Variants in CLDN18 observed in about 807,000 individuals in gnomAD.
CLDN18 encodes the protein claudin-18.
In CLDN18, 20 loss-of-function variants were observed where a neutral mutation model predicts 25.0. The observed-to-expected ratio is 0.80, with a 90% CI of 0.56 to 1.16. CLDN18 has a LOEUF of 1.16. Ranked by LOEUF, CLDN18 falls within the 50% of genes most tolerant of loss-of-function variation. The pLI is 0.00. For synonymous variants in CLDN18, 125 were observed against 135.6 expected (o/e 0.92, Z 0.54); for missense variants, 297 against 345.4 (o/e 0.86, Z 1.11).
intron 1 of CLDN18, among the ~76,000 whole-genome samples, chr3:138,004,401 T>TC (rs1487606845): frequency 3.3e-5 from 5 of 151,978 alleles, no homozygotes; most frequent in African/African-American, 1.2e-4. Context: ...GGCAAGAGTT[T>TC]CCCCATGGGA....
chr3:138,025,788 G>A (rs1942320262), intron 3 of CLDN18, among the ~76,000 whole-genome samples: 1 of 152,100 alleles, frequency 6.6e-6, no homozygotes, highest in Non-Finnish European at 1.5e-5. Context: ...CCTCTATCAT[G>A]GGCAAACAAG....
At chr3:138,026,500 C>T (rs1348556693) in intron 3 of CLDN18, among the ~76,000 whole-genome samples, 1 of 152,104 alleles carries the variant, frequency 6.6e-6, no homozygotes, top group Admixed American at 6.5e-5. Context: ...ACAAAATTAG[C>T]TGGGCGTGGT....
chr3:138,014,517 C>T (rs1942182391), intron 1 of CLDN18, among the ~76,000 whole-genome samples: 1 of 152,048 alleles, frequency 6.6e-6, no homozygotes, highest in South Asian at 2.1e-4. Flanking sequence ...TGCTCTGTGT[C>T]CTGTCTCCCA....
chr3:138,023,803 G>A lies in CLDN18; in HGVS notation c.366G>A (p.Gly122=). The change falls in exon 2 of 5, where the codon GGG becomes GGA. Residue 122 remains glycine, a synonymous_variant. Coordinates refer to ENST00000183605, the MANE Select transcript of CLDN18 (RefSeq NM_016369.4). ...SAKANMTLTS[G]IMFIVSGLCA... ...AAGCCAACATGACACTGACCTCCGG[G>A]ATCATGTTCATTGTCTCAGGTAAAC... The A allele has an allele frequency of 6.2e-7, 1 of 1,613,084 alleles. No individual in the cohort carries two copies. The highest frequency in any genetic ancestry group is 8.5e-7 in the Non-Finnish European group (1 of 1,179,300).
chr3:138,029,665 G>A, intron 3 of CLDN18, 132 bp from the exon 4 acceptor site: 2 of 617,376 alleles, frequency 3.2e-6, no homozygotes, highest in East Asian at 2.9e-5. Context: ...AGGAATGTGT[G>A]TTCAGGGGCA....
chr3:138,014,641 G>A (rs1942183871), intron 1 of CLDN18, among the ~76,000 whole-genome samples: 1 of 152,072 alleles, frequency 6.6e-6, no homozygotes, highest in African/African-American at 2.4e-5. Context: ...GAGGGAAGAG[G>A]ATTTCACCAA....
At chr3:138,011,231 T>C (rs972445671) in intron 1 of CLDN18, among the ~76,000 whole-genome samples, 1 of 152,206 alleles carries the variant, frequency 6.6e-6, no homozygotes, top group Non-Finnish European at 1.5e-5. Context: ...TCTAGCTAAT[T>C]AGTGGCTCTA....
chr3:138,024,370 A>G (rs1942301891), intron 2 of CLDN18, among the ~76,000 whole-genome samples: 1 of 152,198 alleles, frequency 6.6e-6, no homozygotes, highest in Admixed American at 6.5e-5. Context: ...TGGTCCCAAG[A>G]TGCATGAAAA....
chr3:138,031,209 C>T lies in CLDN18; in HGVS notation c.*68C>T. On this transcript the variant is annotated 3_prime_UTR_variant, in exon 5 of 5. Transcript: ENST00000183605. ...AGCTCACCCAAAAAACAAGGAGATCCCATCTAGATTTCTTCTTGCTTTTGA... is the reference window on the plus strand; with the variant it reads ...AGCTCACCCAAAAAACAAGGAGATCTCATCTAGATTTCTTCTTGCTTTTGA... 5 of 1,372,506 alleles carry T rather than the reference C, an allele frequency of 3.6e-6. No individual in the cohort carries two copies. Among genetic ancestry groups the T allele is most frequent in the Non-Finnish European group, 4.9e-6 (5 of 1,013,368 alleles). The allele number at this position is 1,372,506 out of a possible 1,614,324, so 85.0% of individuals were successfully genotyped here.
chr3:138,017,423 C>T (rs1182944918), intron 1 of CLDN18, among the ~76,000 whole-genome samples: 1 of 152,080 alleles, frequency 6.6e-6, no homozygotes, highest in African/African-American at 2.4e-5. Flanking sequence ...ACAGAGTTTC[C>T]TATCAACCTA....
chr3:138,019,463 G>T (rs1222743999), intron 1 of CLDN18, among the ~76,000 whole-genome samples: 1 of 151,974 alleles, frequency 6.6e-6, no homozygotes, highest in Non-Finnish European at 1.5e-5. Context: ...CCTCCCATCC[G>T]CCTACTCCAC....
At chr3:138,028,360 C>A (rs1432757735) in intron 3 of CLDN18, among the ~76,000 whole-genome samples, 1 of 152,204 alleles carries the variant, frequency 6.6e-6, no homozygotes, top group Non-Finnish European at 1.5e-5. Flanking sequence ...CCACCACACC[C>A]AGCCAATGTG....
chr3:138,026,516 G>A lies in CLDN18; in HGVS notation c.503+1792G>A, dbSNP rs1240372998. Reference sequence around the variant, plus strand: ...CAAAATTAGCTGGGCGTGGTGGCAGGCGCCTGTAGTCCCAGCTACTTGGGA... The same window carrying A: ...CAAAATTAGCTGGGCGTGGTGGCAGACGCCTGTAGTCCCAGCTACTTGGGA... On this transcript the variant is annotated intron_variant, in intron 3 of 4. Transcript: ENST00000183605. Among the ~76,000 whole-genome samples, 6 of 152,072 alleles carry A rather than the reference G, an allele frequency of 3.9e-5. No homozygotes were observed. In the East Asian group the frequency reaches 7.7e-4, roughly 20 times the overall value.
In CLDN18 at chr3:138,000,563, T is replaced by C. The variant is rs565672294; in HGVS notation, c.220+1475T>C. On this transcript the variant is annotated intron_variant, in intron 1 of 4. Transcript: ENST00000343735. ...GGTTGGTTGGTTGGTTGGTTTGGGATTGTGGTATTTCAAGGATATTAATCT... is the reference window on the plus strand; with the variant it reads ...GGTTGGTTGGTTGGTTGGTTTGGGACTGTGGTATTTCAAGGATATTAATCT... Among the ~76,000 whole-genome samples the C allele has an allele frequency of 2.0e-5, 3 of 152,164 alleles. No individual in the cohort carries two copies. The South Asian group carries it at 6.2e-4, about 32-fold the overall frequency.
chr3:138,020,804 T>C (rs1942260518), intron 1 of CLDN18, among the ~76,000 whole-genome samples: 2 of 152,256 alleles, frequency 1.3e-5, no homozygotes, highest in Non-Finnish European at 2.9e-5. Context: ...TGATAGTTTA[T>C]GGTTGAGTCT....
chr3:138,019,144 A>G (rs1316691339), intron 1 of CLDN18, among the ~76,000 whole-genome samples: 1 of 152,214 alleles, frequency 6.6e-6, no homozygotes, highest in Non-Finnish European at 1.5e-5. Flanking sequence ...TCTGATCCTC[A>G]CAGATCTATG....
At chr3:137,999,205 T>G (rs1241699862) in intron 1 of CLDN18, 1 of 902,850 alleles carries the variant, frequency 1.1e-6, no homozygotes, top group Non-Finnish European at 1.7e-6. Context: ...GCGATTCGTG[T>G]TTGACAGGGG....
chr3:138,017,091 C>T (rs1942215470), intron 1 of CLDN18, among the ~76,000 whole-genome samples: 2 of 151,684 alleles, frequency 1.3e-5, no homozygotes, highest in South Asian at 4.2e-4. Flanking sequence ...TGCCCTGTGA[C>T]CCATTTACAA....
chr3:138,021,911 T>G (rs1942274421), intron 1 of CLDN18, among the ~76,000 whole-genome samples: 1 of 152,162 alleles, frequency 6.6e-6, no homozygotes, highest in Non-Finnish European at 1.5e-5. Flanking sequence ...AACCACTTGA[T>G]TTCAAGTAAC....
Sources: gnomAD v4.1 joint callset for allele counts (sites outside exome capture counted in the v4.1 genomes callset) on GRCh38, gnomAD v4.1.1 for gene constraint, MANE v1.5 for transcripts, NCBI Gene and HGNC (gene_info 2026-07-23, HGNC 2026-07-21) for gene names.